The following ITFG2 variants were observed in gnomAD, a reference collection of about 807,000 sequenced individuals.
The protein encoded by ITFG2 is integrin alpha FG-GAP repeat containing 2.
ITFG2 carries 36 observed loss-of-function variants against 54.4 expected under a neutral mutation model. The ratio of observed to expected loss-of-function variants is 0.66; its 90% CI spans 0.51 to 0.87. The LOEUF is 0.87. ITFG2 is among the 40% of genes least tolerant of loss of function. ITFG2 has a pLI of 0.00. For missense variants in ITFG2, 524 were observed against 576.7 expected (o/e 0.91, Z 0.94); for synonymous variants, 211 against 225.4 (o/e 0.94, Z 0.57).
Position 2,859,015 on chromosome 12 carries a change from G to A in ITFG2, n.621-519G>A, listed in dbSNP as rs139471742. 7.4e-6 allele frequency: 12 copies of A among 1,612,250 alleles called. No homozygotes were observed. Among genetic ancestry groups the A allele is most frequent in the Admixed American group, 1.7e-5 (1 of 59,914 alleles). On this transcript the variant is annotated intron_variant and non_coding_transcript_variant, in intron 3 of 3. Coordinates refer to the ITFG2 transcript ENST00000537710. Reference sequence around the variant, plus strand: ...GAGGCACCCTGGGAGGTTTGTACTGGGCTGAAATCCAGTCCCCCTACTTTG... The same window carrying A: ...GAGGCACCCTGGGAGGTTTGTACTGAGCTGAAATCCAGTCCCCCTACTTTG...
At chr12:2,836,789 C>T (rs943421311), upstream of ITFG2, 2 of 152,188 alleles carry the variant, frequency 1.3e-5, no homozygotes, top group African/African-American at 2.4e-5. Flanking sequence ...GAGAACGCCA[C>T]GTGAAGGCTG....
intron 2 of ITFG2, among the ~76,000 whole-genome samples, chr12:2,855,644 A>G (rs1356374461): frequency 6.6e-6 from 1 of 152,056 alleles, no homozygotes; most frequent in Non-Finnish European, 1.5e-5. Context: ...TATCATCTTC[A>G]CAGTCACTCA....
intron 2 of ITFG2, chr12:2,857,361 A>C (rs1289740266): frequency 5.2e-6 from 2 of 388,340 alleles, no homozygotes; most frequent in African/African-American, 2.0e-5. Context: ...TCCTGCCCTA[A>C]TGTTCAGGGG....
rs751988994 is a variant in ITFG2 at position 2,820,197 on chromosome 12, C to T, written c.518C>T (p.Ser173Phe). ...GPEHLTGQLV[S>F]LKKWMLEGQV... ...GAACATCTGACAGGGCAGCTGGTGT[C>T]CCTCAAGAAATGGATGCTGGAGGGT... is the stretch of plus-strand genomic sequence containing the variant. The change falls in exon 5 of 12, where the codon TCC becomes TTC. Residue 173 changes from serine (S) to phenylalanine (F), a missense_variant. Transcript: ENST00000228799. The T allele has an allele frequency of 2.5e-6, 4 of 1,610,954 alleles. No individual in the cohort carries two copies. In the South Asian group the frequency reaches 4.4e-5, roughly 18 times the overall value.
intron 2 of ITFG2, among the ~76,000 whole-genome samples, chr12:2,841,965 C>G (rs1181056637): frequency 6.6e-6 from 1 of 151,906 alleles, no homozygotes; most frequent in Non-Finnish European, 1.5e-5. Context: ...GATCCACCCC[C>G]TTCAGCCTCC....
chr12:2,846,018 G>A (rs192213923), intron 2 of ITFG2, among the ~76,000 whole-genome samples: 187 of 152,236 alleles, frequency 1.2e-3, no homozygotes, highest in Admixed American at 3.1e-3. Context: ...GGGTTGCCTC[G>A]TTAGGGTCCC....
intron 9 of ITFG2, among the ~76,000 whole-genome samples, chr12:2,822,198 AGGCATGAGC>A (rs1359639780): frequency 6.6e-6 from 1 of 152,214 alleles, no homozygotes; most frequent in African/African-American, 2.4e-5. Context: ...TTGGAATTAC[AGGCATGAGC>A]CACTGTGCCT....
chr12:2,855,511 G>A (rs1051116382), intron 2 of ITFG2: 67 of 1,268,216 alleles, frequency 5.3e-5, no homozygotes, highest in Non-Finnish European at 6.4e-5. Flanking sequence ...AGGTGGGTGA[G>A]GCACTCCGCT....
At chr12:2,836,177 G>A (rs956665745), upstream of ITFG2, among the ~76,000 whole-genome samples, 2 of 152,188 alleles carry the variant, frequency 1.3e-5, no homozygotes, top group Non-Finnish European at 2.9e-5. Context: ...ATACAGCTTT[G>A]CCTTTTTGGC....
chr12:2,831,503 G>A (rs1022437814), downstream of ITFG2, among the ~76,000 whole-genome samples: 1 of 151,802 alleles, frequency 6.6e-6, no homozygotes, highest in Non-Finnish European at 1.5e-5. Context: ...ATAGTCACCT[G>A]AACCTAGAAG....
At chr12:2,858,874 A>G in intron 3 of ITFG2, 1 of 1,614,024 alleles carries the variant, frequency 6.2e-7, no homozygotes, top group Non-Finnish European at 8.5e-7. Flanking sequence ...AAGGGGACGG[A>G]GATGAGGTCT....
intron 2 of ITFG2, chr12:2,849,538 G>C: frequency 6.5e-7 from 1 of 1,535,968 alleles, no homozygotes; most frequent in Non-Finnish European, 8.7e-7. Flanking sequence ...GTTGGGAGAA[G>C]GGTATGGAGA....
chr12:2,831,839 C>T (rs1383840904), upstream of ITFG2, among the ~76,000 whole-genome samples: 1 of 152,144 alleles, frequency 6.6e-6, no homozygotes, highest in Non-Finnish European at 1.5e-5. Context: ...TCAAGGCATT[C>T]TCTAGCCTCA....
upstream of ITFG2, among the ~76,000 whole-genome samples, chr12:2,832,315 A>ACATGACCG (rs1271951550): frequency 6.6e-6 from 1 of 152,004 alleles, no homozygotes; most frequent in African/African-American, 2.4e-5. Context: ...TCCACAGTCC[A>ACATGACCG]CATGACCGGG....
chr12:2,834,883 G>A (rs149902882), upstream of ITFG2: 232 of 1,613,612 alleles, frequency 1.4e-4, no homozygotes, highest in East Asian at 4.5e-4. Context: ...GGGCGTCACC[G>A]AGTCCTCTCT....
chr12:2,853,740 G>A (rs1169848477), intron 2 of ITFG2, among the ~76,000 whole-genome samples: 2 of 151,836 alleles, frequency 1.3e-5, no homozygotes, highest in Admixed American at 6.6e-5. Context: ...TCTTGCATGC[G>A]TAGTGCCTGG....
intron 10 of ITFG2, among the ~76,000 whole-genome samples, chr12:2,823,497 C>T (rs1468659087): frequency 6.6e-6 from 1 of 152,244 alleles, no homozygotes; most frequent in Non-Finnish European, 1.5e-5. Context: ...AGGGATATCA[C>T]TAAGATGGGA....
At position 2,822,800 on chromosome 12, in the gene ITFG2, G is replaced by A. The variant is rs751656032; in HGVS notation, c.955G>A (p.Gly319Arg). Reference sequence around the variant, plus strand: ...TGTCTCTGTCCTTTTTCAGGGCAACGGGCATGAGGAGGTAGTTGCATGCGC... The same window carrying A: ...TGTCTCTGTCCTTTTTCAGGGCAACAGGCATGAGGAGGTAGTTGCATGCGC... ...ALEKLDVTGN[G>R]HEEVVACAWD... Residue 319 changes from glycine (G) to arginine (R), a missense_variant, in exon 10 of 12, where the codon GGG becomes AGG. Physicochemically the swap from Gly to Arg is moderately radical, Grantham distance 125. Coordinates refer to ENST00000228799, the MANE Select transcript of ITFG2 (RefSeq NM_018463.4). 34 of 1,613,436 alleles carry A rather than the reference G, an allele frequency of 2.1e-5. No individual in the cohort carries two copies. The Admixed American group carries it at 2.8e-4, about 13-fold the overall frequency.
At chr12:2,834,838 C>T (rs1262893537), upstream of ITFG2, 1 of 1,613,696 alleles carries the variant, frequency 6.2e-7, no homozygotes, top group South Asian at 1.1e-5. Flanking sequence ...GCTCATGGCC[C>T]CTGCTGGAGG....
Sources: gnomAD v4.1 joint callset for allele counts (sites outside exome capture counted in the v4.1 genomes callset) on GRCh38, gnomAD v4.1.1 for gene constraint, MANE v1.5 for transcripts, NCBI Gene and HGNC (gene_info 2026-07-23, HGNC 2026-07-21) for gene names.